The following ANO4 variants were observed in gnomAD, a reference collection of about 807,000 sequenced individuals.
The protein encoded by ANO4 is anoctamin-4.
A neutral mutation model predicts 141.9 loss-of-function variants in ANO4; 69 were observed. The observed-to-expected ratio is 0.49, with a 90% CI of 0.40 to 0.59. The LOEUF (loss-of-function observed/expected upper bound fraction) is 0.59. Ranked by LOEUF, ANO4 falls within the 20% of genes least tolerant of loss-of-function variation. The pLI, the probability that ANO4 is intolerant of heterozygous loss-of-function variation, is 0.00. For missense variants in ANO4, 894 were observed against 1,162.2 expected, an observed-to-expected ratio of 0.77 and a Z score of 3.36; for synonymous variants, 350 against 394.3, an observed-to-expected ratio of 0.89 and a Z score of 1.33.
intron 1 of ANO4, among the ~76,000 whole-genome samples, chr12:100,897,873 A>G (rs1431112667): frequency 2.6e-5 from 4 of 152,222 alleles, no homozygotes; most frequent in Admixed American, 6.5e-5. Context: ...GCTTAGGCCA[A>G]AGGACTCTCA....
intron 1 of ANO4, among the ~76,000 whole-genome samples, chr12:100,717,729 G>T (rs1472497034): frequency 6.6e-6 from 1 of 152,254 alleles, no homozygotes. Flanking sequence ...CGGGCCGCGG[G>T]TAACCCGGGA....
intron 5 of ANO4, among the ~76,000 whole-genome samples, chr12:100,949,930 A>G (rs1456086954): frequency 6.6e-6 from 1 of 152,192 alleles, no homozygotes; most frequent in Non-Finnish European, 1.5e-5. Context: ...CCCCATTCAA[A>G]GGAAATCTTC....
At chr12:100,834,512 A>G (rs1422610208) in intron 1 of ANO4, among the ~76,000 whole-genome samples, 2 of 151,992 alleles carry the variant, frequency 1.3e-5, no homozygotes, top group Non-Finnish European at 2.9e-5. Flanking sequence ...TGGAGTTCCT[A>G]AAGTTTGTAT....
intron 1 of ANO4, among the ~76,000 whole-genome samples, chr12:100,837,064 C>G (rs1295269598): frequency 1.3e-5 from 2 of 152,140 alleles, no homozygotes; most frequent in Non-Finnish European, 2.9e-5. Flanking sequence ...GAAATGATAT[C>G]AGAGAAGCCA....
At chr12:100,907,339 TAATAAATG>T (rs1400964245) in intron 2 of ANO4, among the ~76,000 whole-genome samples, 11 of 152,222 alleles carry the variant, frequency 7.2e-5, no homozygotes, top group Non-Finnish European at 1.3e-4. Flanking sequence ...TCCCTTCCCC[TAATAAATG>T]TCTACTAGCC....
At chr12:101,087,425 A>C (rs2136905875) in intron 17 of ANO4, among the ~76,000 whole-genome samples, 1 of 151,948 alleles carries the variant, frequency 6.6e-6, no homozygotes, top group Non-Finnish European at 1.5e-5. Flanking sequence ...TGTGGGGCTG[A>C]GGTGGGAAGG....
At chr12:101,092,628 T>A (rs1428028338) in intron 17 of ANO4, among the ~76,000 whole-genome samples, 9 of 152,186 alleles carry the variant, frequency 5.9e-5, no homozygotes, top group Non-Finnish European at 8.8e-5. Flanking sequence ...TATGAAGTAG[T>A]CACAGATGCC....
At chr12:100,941,769 T>C (rs1292073359) in intron 4 of ANO4, among the ~76,000 whole-genome samples, 3 of 152,014 alleles carry the variant, frequency 2.0e-5, no homozygotes, top group Non-Finnish European at 2.9e-5. Flanking sequence ...AGTGAGCATA[T>C]CAATTTTCAC....
At chr12:100,822,220 TG>T (rs2036093514) in intron 1 of ANO4, among the ~76,000 whole-genome samples, 1 of 152,042 alleles carries the variant, frequency 6.6e-6, no homozygotes, top group African/African-American at 2.4e-5. Context: ...AGCAAAGGCC[TG>T]TGCTTCCTCT....
At chr12:100,724,293 C>T (rs1250007377) in intron 1 of ANO4, among the ~76,000 whole-genome samples, 1 of 152,184 alleles carries the variant, frequency 6.6e-6, no homozygotes, top group African/African-American at 2.4e-5. Flanking sequence ...AAAGGTGATT[C>T]AAGTATTTGA....
chr12:100,844,695 T>A (rs1348227191), intron 1 of ANO4, among the ~76,000 whole-genome samples: 3 of 151,732 alleles, frequency 2.0e-5, no homozygotes, highest in Admixed American at 2.0e-4. Context: ...TTGGAGAGGA[T>A]AGATATAGAG....
chr12:101,036,481 T>C (rs893352458), intron 9 of ANO4, among the ~76,000 whole-genome samples: 1 of 152,114 alleles, frequency 6.6e-6, no homozygotes, highest in Non-Finnish European at 1.5e-5. Context: ...ATAAAGGAAT[T>C]GTGGTACATA....
At chr12:101,083,925 T>A in intron 16 of ANO4, 107 bp downstream of exon 16, 1 of 1,082,278 alleles carries the variant, frequency 9.2e-7, no homozygotes, top group South Asian at 1.8e-5. Flanking sequence ...TTTTTGCACT[T>A]TGTTATTTAT....
chr12:101,103,375 C>T (rs997372116), intron 22 of ANO4, among the ~76,000 whole-genome samples: 3 of 150,920 alleles, frequency 2.0e-5, no homozygotes, highest in Non-Finnish European at 4.4e-5. Flanking sequence ...TTGTTTTGTA[C>T]ATACTTTTTA....
At chr12:100,778,214 C>T (rs1400730968) in intron 3 of ANO4, among the ~76,000 whole-genome samples, 8 of 152,040 alleles carry the variant, frequency 5.3e-5, no homozygotes, top group Admixed American at 1.3e-4. Flanking sequence ...CCACTGCACC[C>T]GGCCGATAAT....
intron 1 of ANO4, among the ~76,000 whole-genome samples, chr12:100,721,940 C>G (rs765602843): frequency 1.5e-4 from 22 of 151,196 alleles, no homozygotes; most frequent in Non-Finnish European, 2.5e-4. Flanking sequence ...GCCTTGGCCT[C>G]TCAAATCCCT....
intron 1 of ANO4, among the ~76,000 whole-genome samples, chr12:100,894,528 A>T (rs2040249202): frequency 6.6e-6 from 1 of 152,098 alleles, no homozygotes; most frequent in Non-Finnish European, 1.5e-5. Context: ...CTAAGATAGC[A>T]CAAATTCTGC....
At chr12:100,988,001 C>T (rs1415114181) in intron 8 of ANO4, among the ~76,000 whole-genome samples, 1 of 152,210 alleles carries the variant, frequency 6.6e-6, no homozygotes, top group African/African-American at 2.4e-5. Context: ...CCCCTGCAGG[C>T]TCATCTGCAT....
intron 17 of ANO4, among the ~76,000 whole-genome samples, 186 bp from the exon 18 acceptor site, chr12:101,094,070 C>T (rs182736110): frequency 3.6e-4 from 55 of 152,224 alleles, no homozygotes; most frequent in African/African-American, 1.1e-3. Context: ...CTGAAAATTA[C>T]GCTAATCTCC....
Sources: gnomAD v4.1 joint callset for allele counts (sites outside exome capture counted in the v4.1 genomes callset) on GRCh38, gnomAD v4.1.1 for gene constraint, MANE v1.5 for transcripts, NCBI Gene and HGNC (gene_info 2026-07-23, HGNC 2026-07-21) for gene names.